Variants in ZNF236 observed in about 807,000 individuals in gnomAD.
ZNF236 encodes zinc finger protein 236, also known as regulated by glucose.
Under a neutral mutation model 191.2 loss-of-function variants are expected in ZNF236, and 50 were observed. The observed-to-expected ratio is 0.26, with a 90% CI of 0.21 to 0.33. ZNF236 has a LOEUF of 0.33. ZNF236 is among the 10% of genes least tolerant of loss of function. The pLI, the probability that ZNF236 is intolerant of heterozygous loss-of-function variation, is 1.00. For missense variants in ZNF236, 1,754 were observed against 2,374.5 expected (o/e 0.74, Z 5.43); for synonymous variants, 907 against 928.8 (o/e 0.98, Z 0.43).
Position 76,829,364 on chromosome 18 carries a change from G to A in ZNF236, c.55+6702G>A, listed in dbSNP as rs550239858. 1.4e-4 allele frequency among the ~76,000 whole-genome samples: 21 copies of A among 147,150 alleles called. 1 individual carries two copies. The highest frequency in any genetic ancestry group is 4.0e-4 in the African/African-American group (16 of 39,680). On this transcript the variant is annotated intron_variant, in intron 1 of 30. Transcript: ENST00000320610. ...TTTTTTTTGGACGGAGTCTCGCTCT[G>A]TCGCCCAGGCTGGAGTGCAGTGCTA...
chr18:76,848,688 C>CAGGG (rs1171511649), intron 1 of ZNF236, among the ~76,000 whole-genome samples: 2 of 152,174 alleles, frequency 1.3e-5, no homozygotes, highest in Non-Finnish European at 2.9e-5. Context: ...TTTTAAGAGA[C>CAGGG]AGGGTCTTGC....
At position 76,875,879 on chromosome 18, in the gene ZNF236, T is replaced by C. The variant is rs550183017; in HGVS notation, c.840+215T>C. 6.6e-6 allele frequency among the ~76,000 whole-genome samples: 1 copy of C among 152,364 alleles called. No individual in the cohort carries two copies. The highest frequency in any genetic ancestry group is 2.1e-4 in the South Asian group (1 of 4,832). ...ACTACTATCTTTTTTGTCTTCTTGC[T>C]GACAGCATGGCTTTGGGGAATAAAT... On this transcript the variant is annotated intron_variant, in intron 6 of 30. Coordinates refer to ENST00000320610, the MANE Select transcript of ZNF236 (RefSeq NM_001306089.2). The surrounding 1 kb of genome is among the most constrained non-coding windows in gnomAD (Gnocchi z 4.3).
rs377518475 is a variant in ZNF236, at chr18:76,953,458, C to T, written c.4915-2527C>T. ...CAGCCTGTGAGGTGTCTAAGTGTCA[C>T]GGCCCCGTTTTACTCACAAGGATTC... On this transcript the variant is annotated intron_variant, in intron 27 of 30. Coordinates refer to ENST00000320610, the MANE Select transcript of ZNF236 (RefSeq NM_001306089.2). Among the ~76,000 whole-genome samples the T allele has an allele frequency of 1.6e-4, 25 of 152,304 alleles. No individual in the cohort carries two copies. In the East Asian group the frequency reaches 3.1e-3, roughly 19 times the overall value.
intron 28 of ZNF236, among the ~76,000 whole-genome samples, 157 bp from the exon 29 acceptor site, chr18:76,959,530 A>G (rs1256996638): frequency 2.6e-5 from 4 of 152,158 alleles, no homozygotes; most frequent in African/African-American, 4.8e-5. Flanking sequence ...TGTTGTCACT[A>G]CCGATGCATT....
At chr18:76,886,822 T>C (rs1428248448) in intron 9 of ZNF236, 1 of 157,456 alleles carries the variant, frequency 6.4e-6, no homozygotes, top group East Asian at 1.9e-4. Flanking sequence ...AATCTGAACA[T>C]AATCACAGCA....
chr18:76,897,064 C>A (rs989667769), intron 10 of ZNF236, among the ~76,000 whole-genome samples: 2 of 151,688 alleles, frequency 1.3e-5, no homozygotes, highest in Non-Finnish European at 2.9e-5. Flanking sequence ...CAATACCCAA[C>A]ATGGTGCTGC....
In ZNF236 at chr18:76,968,442, T is replaced by C; in HGVS notation, c.*103T>C. The C allele has an allele frequency of 6.6e-7, 1 of 1,511,070 alleles. No individual in the cohort carries two copies. Among genetic ancestry groups the C allele is most frequent in the Non-Finnish European group, 8.7e-7 (1 of 1,144,160 alleles). 93.6% of individuals were successfully genotyped at this position (1,511,070 alleles called of 1,614,324 possible). A position where few individuals can be genotyped will look rare whatever the true frequency, so the allele number is the denominator to read the frequency against. ...TTAAAGCTTCAAGTGTTAAAAATGC[T>C]ACAATAGTTTTTTATCTATAAAATT... On this transcript the variant is annotated 3_prime_UTR_variant, in exon 31 of 31. Coordinates refer to ENST00000320610, the MANE Select transcript of ZNF236 (RefSeq NM_001306089.2).
At position 76,895,128 on chromosome 18, in the gene ZNF236, C is replaced by T. The variant is rs538989513; in HGVS notation, c.1533C>T (p.Pro511=). The T allele has an allele frequency of 6.8e-6, 11 of 1,611,268 alleles. No homozygotes were observed. ...RHIRIHTHEK[P]FKCPQCFRAF... The stretch of plus-strand genomic sequence containing the variant: ...TCCGCATCCACACCCACGAGAAGCC[C>T]TTCAAGTGCCCGCAGTGCTTCCGCG... The change falls in exon 10 of 31, where the codon CCC becomes CCT. Residue 511 remains proline (P), a synonymous_variant. Transcript: ENST00000320610.
chr18:76,845,580 G>A (rs1413345313), intron 1 of ZNF236, among the ~76,000 whole-genome samples: 1 of 152,150 alleles, frequency 6.6e-6, no homozygotes, highest in Non-Finnish European at 1.5e-5. Flanking sequence ...GCTGGGCACG[G>A]TGGCTCATGC....
chr18:76,871,835 C>G lies in ZNF236; in HGVS notation c.667+10C>G. The G allele has an allele frequency of 6.2e-7, 1 of 1,614,092 alleles. No individual in the cohort carries two copies. Among genetic ancestry groups the G allele is most frequent in the South Asian group, 1.1e-5 (1 of 91,058 alleles). On this transcript the variant is annotated intron_variant, in intron 5 of 30. Coordinates refer to ENST00000320610, the MANE Select transcript of ZNF236 (RefSeq NM_001306089.2). The stretch of plus-strand genomic sequence containing the variant: ...ATTAGGATACACACAGGTATGAAAA[C>G]ACTGACTTCTGGATGACTGACCGTG...
intron 1 of ZNF236, among the ~76,000 whole-genome samples, chr18:76,844,779 G>C (rs759625777): frequency 1.2e-4 from 19 of 152,126 alleles, no homozygotes; most frequent in African/African-American, 2.7e-4. Context: ...AGGGTCTCTA[G>C]GTGGGGAATA....
rs1332060043 is a variant in ZNF236, at chr18:76,971,295, CT to C, written c.*2957del. ...AATGCTACCCCACCCCCATCAAGCT[CT>C]ACTTTTTCCCCTTTGAAAAACTTGA... On this transcript the variant is annotated 3_prime_UTR_variant, in exon 31 of 31. Coordinates refer to ENST00000320610, the MANE Select transcript of ZNF236 (RefSeq NM_001306089.2). Among the ~76,000 whole-genome samples the C allele has an allele frequency of 6.6e-6, 1 of 152,208 alleles. No homozygotes were observed. Among genetic ancestry groups the C allele is most frequent in the East Asian group, 1.9e-4 (1 of 5,198 alleles).
chr18:76,960,020 T>C lies in ZNF236; in HGVS notation c.5242+204T>C, dbSNP rs1040273103. On this transcript the variant is annotated intron_variant, in intron 29 of 30. Coordinates refer to ENST00000320610, the MANE Select transcript of ZNF236 (RefSeq NM_001306089.2). This position sits in a 1 kb window ranked among gnomAD's most constrained non-coding sequence, Gnocchi z 4.4. Reference sequence around the variant, plus strand: ...ACATGGAAGATTTTGCTGCTTACATTATGACCATATGAAACAGAAGCATCA... The same window carrying C: ...ACATGGAAGATTTTGCTGCTTACATCATGACCATATGAAACAGAAGCATCA... Among the ~76,000 whole-genome samples the C allele has an allele frequency of 6.6e-6, 1 of 152,168 alleles. No individual in the cohort carries two copies. The highest frequency in any genetic ancestry group is 2.4e-5 in the African/African-American group (1 of 41,438).
At position 76,969,453 on chromosome 18, in the gene ZNF236, T is replaced by C. The variant is rs569225576; in HGVS notation, c.*1114T>C. On this transcript the variant is annotated 3_prime_UTR_variant, in exon 31 of 31. Coordinates refer to ENST00000320610, the MANE Select transcript of ZNF236 (RefSeq NM_001306089.2). ...ATATAAATACATATGTACATAGATA[T>C]ATGGGCCTCTGTGTGGCTGAACAGT... The C allele has an allele frequency of 1.3e-5, 2 of 152,694 alleles. No homozygotes were observed. Among genetic ancestry groups the C allele is most frequent in the Admixed American group, 6.5e-5 (1 of 15,292 alleles). 9.5% of individuals were successfully genotyped at this position (152,694 alleles called of 1,614,324 possible). A position where few individuals can be genotyped will look rare whatever the true frequency, so the allele number is the denominator to read the frequency against.
Position 76,922,772 on chromosome 18 carries a change from G to A in ZNF236, c.3558-299G>A, listed in dbSNP as rs182264361. Reference sequence around the variant, plus strand: ...GGGTTTTACCATGTTGGCCAGTCTGGTCTCGAAATCCTGACCTCAGGTGAT... The same window carrying A: ...GGGTTTTACCATGTTGGCCAGTCTGATCTCGAAATCCTGACCTCAGGTGAT... On this transcript the variant is annotated intron_variant, in intron 20 of 30. Transcript: ENST00000320610. Among the ~76,000 whole-genome samples the A allele has an allele frequency of 1.1e-4, 17 of 152,206 alleles. No individual in the cohort carries two copies. The East Asian group carries it at 3.3e-3, about 29-fold the overall frequency.
chr18:76,952,017 A>G (rs1363626015), intron 27 of ZNF236, among the ~76,000 whole-genome samples: 1 of 152,210 alleles, frequency 6.6e-6, no homozygotes, highest in East Asian at 1.9e-4. Flanking sequence ...CCTCAACACA[A>G]TTACAATAGT....
chr18:76,948,872 C>T (rs1226460521), intron 27 of ZNF236, among the ~76,000 whole-genome samples: 1 of 152,198 alleles, frequency 6.6e-6, no homozygotes, highest in Non-Finnish European at 1.5e-5. Flanking sequence ...CAAAAACAGG[C>T]CTTCACCATA....
At chr18:76,943,095 C>G (rs1051344100) in intron 26 of ZNF236, among the ~76,000 whole-genome samples, 1 of 140,018 alleles carries the variant, frequency 7.1e-6, no homozygotes, top group African/African-American at 2.7e-5. Context: ...TGCACTCCAG[C>G]CTGGGCGACA....
chr18:76,953,786 G>T (rs1206765073), intron 27 of ZNF236, among the ~76,000 whole-genome samples: 1 of 152,172 alleles, frequency 6.6e-6, no homozygotes, highest in African/African-American at 2.4e-5. Flanking sequence ...AAACATTTAA[G>T]TTCCTGCCAG....
Sources: gnomAD v4.1 joint callset for allele counts (sites outside exome capture counted in the v4.1 genomes callset) on GRCh38, gnomAD v4.1.1 for gene constraint, Gnocchi (gnomAD v3.1) non-coding constraint, MANE v1.5 for transcripts, NCBI Gene and HGNC (gene_info 2026-07-23, HGNC 2026-07-21) for gene names.